The following MRPS6 variants were observed in gnomAD, a reference collection of about 807,000 sequenced individuals.
MRPS6 encodes the protein mitochondrial ribosomal protein S6.
A neutral mutation model predicts 13.1 loss-of-function variants in MRPS6; 6 were observed. The ratio of observed to expected loss-of-function variants is 0.46; its 90% CI spans 0.25 to 0.91. MRPS6 has a LOEUF of 0.91. Ranked by LOEUF, MRPS6 falls within the 40% of genes least tolerant of loss-of-function variation. The pLI is 0.18. For synonymous variants in MRPS6, 61 were observed against 56.5 expected (o/e 1.08, Z -0.36); for missense variants, 164 against 155.6 (o/e 1.05, Z -0.29).
chr21:34,104,443 A>G, intron 1 of MRPS6: 1 of 1,000,004 alleles, frequency 1.0e-6, no homozygotes, highest in Non-Finnish European at 1.2e-6. Flanking sequence ...CCCATGTGTT[A>G]AAAGATGTAA....
chr21:34,087,272 A>AG (rs11427671), intron 1 of MRPS6, among the ~76,000 whole-genome samples: 152,328 of 152,328 alleles, frequency 1, 76,164 homozygotes, highest in Non-Finnish European at 1. Context: ...TTTTCCCTTT[A>AG]GCCTCTTTAA....
At chr21:34,123,081 T>A (rs1309964710) in intron 1 of MRPS6, 1 of 152,194 alleles carries the variant, frequency 6.6e-6, no homozygotes, top group Non-Finnish European at 1.5e-5. Context: ...GTTAAATATA[T>A]AAACAACGAT....
At chr21:34,112,774 A>G (rs998972492) in intron 1 of MRPS6, among the ~76,000 whole-genome samples, 15 of 152,110 alleles carry the variant, frequency 9.9e-5, no homozygotes, top group Non-Finnish European at 1.6e-4. Context: ...TATGAGATCA[A>G]CTTTTTAAAA....
At chr21:34,134,821 A>G (rs1052817222) in intron 2 of MRPS6, among the ~76,000 whole-genome samples, 1 of 152,228 alleles carries the variant, frequency 6.6e-6, no homozygotes, top group Non-Finnish European at 1.5e-5. Context: ...GTAAAATTAC[A>G]TGAGCTATTC....
chr21:34,142,746 TC>T lies in MRPS6; in HGVS notation c.*150del, dbSNP rs1239483334. The stretch of plus-strand genomic sequence containing the variant: ...TTTCTAAGGTATTTTTAGCCCTTGA[TC>T]CCCTTTGCTTGCGAGAGGTGGGGAA... On this transcript the variant is annotated 3_prime_UTR_variant, in exon 3 of 3. Coordinates refer to ENST00000399312, the MANE Select transcript of MRPS6 (RefSeq NM_032476.4). 5 of 970,294 alleles carry T rather than the reference TC, an allele frequency of 5.2e-6. No homozygotes were observed. The highest frequency in any genetic ancestry group is 3.6e-5 in the Admixed American group (1 of 27,740). The allele number at this position is 970,294 out of a possible 1,614,324, so 60.1% of individuals were successfully genotyped here.
chr21:34,105,990 G>A, intron 1 of MRPS6: 2 of 995,010 alleles, frequency 2.0e-6, no homozygotes, highest in Non-Finnish European at 2.4e-6. Context: ...TTTTGAAAGT[G>A]TTATTGTTTA....
At chr21:34,082,833 G>A (rs1245263461) in intron 1 of MRPS6, among the ~76,000 whole-genome samples, 5 of 152,028 alleles carry the variant, frequency 3.3e-5, no homozygotes, top group Non-Finnish European at 1.5e-5. Context: ...TTGGCCCAAG[G>A]TGTAATTGAC....
At chr21:34,129,434 G>A (rs1337860772) in intron 2 of MRPS6, among the ~76,000 whole-genome samples, 1 of 152,174 alleles carries the variant, frequency 6.6e-6, no homozygotes, top group Admixed American at 6.6e-5. Context: ...GCTTCCAAAT[G>A]CCTGTGTATA....
At chr21:34,087,400 C>T (rs1293137411) in intron 1 of MRPS6, among the ~76,000 whole-genome samples, 1 of 152,150 alleles carries the variant, frequency 6.6e-6, no homozygotes, top group African/African-American at 2.4e-5. Context: ...ATTTAACAAA[C>T]ATTTGAGCAC....
chr21:34,128,009 C>G (rs1461692875), intron 2 of MRPS6, among the ~76,000 whole-genome samples: 1 of 152,216 alleles, frequency 6.6e-6, no homozygotes, highest in Non-Finnish European at 1.5e-5. Context: ...TTTTGGCTGG[C>G]TAATGGAGTG....
chr21:34,104,522 G>A, intron 1 of MRPS6: 2 of 998,330 alleles, frequency 2.0e-6, no homozygotes, highest in Non-Finnish European at 1.2e-6. Context: ...TTTAGGGAAA[G>A]ACTTGGTCAA....
chr21:34,128,946 G>A (rs1196060368), intron 2 of MRPS6, among the ~76,000 whole-genome samples: 1 of 152,086 alleles, frequency 6.6e-6, no homozygotes, highest in Admixed American at 6.5e-5. Flanking sequence ...TGGCTCAGAG[G>A]CCTGGGAGTC....
intron 1 of MRPS6, chr21:34,125,086 G>T: frequency 2.5e-6 from 1 of 404,094 alleles, no homozygotes. Context: ...GATCCCTGGA[G>T]CTGCCCTGGT....
At position 34,096,714 on chromosome 21, in the gene MRPS6, A is replaced by G. The variant is rs774586769; in HGVS notation, c.45+22969A>G. The G allele has an allele frequency of 6.8e-5, 109 of 1,614,002 alleles. 1 individual carries two copies. In the South Asian group the frequency reaches 7.8e-4, roughly 12 times the overall value. On this transcript the variant is annotated intron_variant, in intron 1 of 2. Transcript: ENST00000399312. This position sits in a 1 kb window ranked among gnomAD's most constrained non-coding sequence, Gnocchi z 5.9. The stretch of plus-strand genomic sequence containing the variant: ...CCAACCTGATAATAGGCCGGGCTTC[A>G]TCAAAGACATCCATTATATGTATGT...
intron 1 of MRPS6, among the ~76,000 whole-genome samples, chr21:34,075,854 C>T (rs1390055412): frequency 6.6e-6 from 1 of 152,092 alleles, no homozygotes; most frequent in African/African-American, 2.4e-5. Context: ...TGGGGGGAAA[C>T]GAATTTAAAA....
At chr21:34,106,207 T>C (rs1979469355) in intron 1 of MRPS6, 1 of 972,416 alleles carries the variant, frequency 1.0e-6, no homozygotes, top group Non-Finnish European at 1.2e-6. Context: ...ATAGTAATTA[T>C]TTTATGGAAA....
chr21:34,142,661 G>A lies in MRPS6; in HGVS notation c.*61G>A. On this transcript the variant is annotated 3_prime_UTR_variant, in exon 3 of 3. Coordinates refer to ENST00000399312, the MANE Select transcript of MRPS6 (RefSeq NM_032476.4). ...CTTCACATTTGGGCAGCATGGACGA[G>A]AAGGAAGAATTTGCAAGTTTGGCCT... 1 of 1,471,806 alleles carries A rather than the reference G, an allele frequency of 6.8e-7. No individual in the cohort carries two copies. The highest frequency in any genetic ancestry group is 2.5e-5 in the East Asian group (1 of 40,012). 91.2% of individuals were successfully genotyped at this position (1,471,806 alleles called of 1,614,324 possible).
intron 1 of MRPS6, among the ~76,000 whole-genome samples, chr21:34,119,174 T>C (rs1422958792): frequency 1.3e-5 from 2 of 152,220 alleles, no homozygotes; most frequent in Admixed American, 6.5e-5. Flanking sequence ...ATGAAGAATA[T>C]TTGATCAAAC....
chr21:34,141,543 G>A (rs1417578897), intron 2 of MRPS6, among the ~76,000 whole-genome samples: 2 of 152,214 alleles, frequency 1.3e-5, no homozygotes, highest in Admixed American at 6.5e-5. Flanking sequence ...AGAACCACAT[G>A]TATGCCTAGA....
Sources: allele counts gnomAD v4.1 joint callset (sites outside exome capture counted in the v4.1 genomes callset), GRCh38; gene constraint gnomAD v4.1.1; non-coding constraint Gnocchi (gnomAD v3.1); transcripts MANE v1.5; gene names NCBI Gene and HGNC (gene_info 2026-07-23, HGNC 2026-07-21).